AKAP13: variants seen among roughly 807,000 people sequenced by gnomAD.
AKAP13 encodes the protein A-kinase anchor protein 13.
Under a neutral mutation model 264.5 loss-of-function variants are expected in AKAP13, and 80 were observed. The observed-to-expected ratio is 0.30, with a 90% CI of 0.25 to 0.36. AKAP13 has a LOEUF of 0.36. Among genes scored for constraint, AKAP13 ranks in the 10% least tolerant of loss-of-function variants. The probability of loss-of-function intolerance (pLI) is 1.00; values close to 1 mark genes in which losing one functional copy is unlikely to be tolerated. For synonymous variants in AKAP13, 1,380 were observed against 1,250.2 expected, an observed-to-expected ratio of 1.10 and a Z score of -2.19; for missense variants, 3,712 against 3,435.2, an observed-to-expected ratio of 1.08 and a Z score of -2.01.
intron 1 of AKAP13, among the ~76,000 whole-genome samples, chr15:85,418,781 A>C (rs2072366504): frequency 6.6e-6 from 1 of 152,232 alleles, no homozygotes; most frequent in Admixed American, 6.5e-5. Flanking sequence ...TTAAAAGGCA[A>C]ATAATTGCAT....
intron 9 of AKAP13, among the ~76,000 whole-genome samples, chr15:85,645,359 T>G (rs1469531938): frequency 6.6e-6 from 1 of 152,206 alleles, no homozygotes; most frequent in East Asian, 1.9e-4. Flanking sequence ...GTAAGAAAAG[T>G]TAAATTATAT....
intron 1 of AKAP13, among the ~76,000 whole-genome samples, chr15:85,432,107 T>A (rs2073048590): frequency 1.3e-5 from 2 of 152,108 alleles, no homozygotes; most frequent in South Asian, 4.1e-4. Context: ...TCTTTTTTTT[T>A]AGAAGAATAC....
chr15:85,678,161 A>G (rs2084359598), intron 14 of AKAP13, among the ~76,000 whole-genome samples: 2 of 152,210 alleles, frequency 1.3e-5, no homozygotes, highest in Non-Finnish European at 2.9e-5. Flanking sequence ...GATTTCTAGA[A>G]TATTCCAGGA....
chr15:85,396,335 A>G (rs1488176776), intron 1 of AKAP13, among the ~76,000 whole-genome samples: 4 of 152,188 alleles, frequency 2.6e-5, no homozygotes, highest in Admixed American at 2.6e-4. Context: ...CATCATTGGC[A>G]TATGGATGGT....
intron 9 of AKAP13, among the ~76,000 whole-genome samples, chr15:85,640,199 TG>T (rs2082248105): frequency 6.6e-6 from 1 of 152,246 alleles, no homozygotes; most frequent in Non-Finnish European, 1.5e-5. Flanking sequence ...TGTCTCATTT[TG>T]AGGGTGTAGT....
chr15:85,658,393 C>T, intron 11 of AKAP13, 144 bp from the exon 12 acceptor site: 1 of 579,642 alleles, frequency 1.7e-6, no homozygotes, highest in Non-Finnish European at 2.9e-6. Context: ...ATGTTTTTCT[C>T]ATTCCACATT....
At chr15:85,381,930 G>A (rs1204088504) in intron 1 of AKAP13, 2 of 152,156 alleles carry the variant, frequency 1.3e-5, no homozygotes, top group Admixed American at 1.3e-4. Flanking sequence ...GTTCTTGAAA[G>A]GTCATTATTG....
Position 85,581,212 on chromosome 15 carries a change from A to G in AKAP13, c.3144A>G (p.Pro1048=), listed in dbSNP as rs376604055. ...CCGCTCTGTTGCCATGTCTGTTGCC[A>G]GATGGGTCTGATGGGTCCGATGCTC... The part of the protein sequence containing the change: ...NSSALLPCLL[P]DGSDGSDALN... The change falls in exon 7 of 37, where the codon CCA becomes CCG. Residue 1048 remains proline (P), a synonymous_variant. Coordinates refer to ENST00000394518, the MANE Select transcript of AKAP13 (RefSeq NM_007200.5). 18 of 1,614,194 alleles carry G rather than the reference A, an allele frequency of 1.1e-5. No homozygotes were observed. In the African/African-American group the frequency reaches 1.6e-4, roughly 14 times the overall value.
chr15:85,567,911 T>C (rs1446752587), intron 5 of AKAP13, among the ~76,000 whole-genome samples: 1 of 151,746 alleles, frequency 6.6e-6, no homozygotes, highest in Admixed American at 6.6e-5. Flanking sequence ...CTGAGAAAAG[T>C]ATATAAATAC....
intron 8 of AKAP13, among the ~76,000 whole-genome samples, chr15:85,637,687 AGTT>A (rs2151467659): frequency 6.6e-6 from 1 of 151,856 alleles, no homozygotes; most frequent in African/African-American, 2.4e-5. Context: ...CTCTTTTTCT[AGTT>A]TCATAAGGTA....
chr15:85,617,347 G>A (rs1282233601), intron 8 of AKAP13, among the ~76,000 whole-genome samples: 1 of 152,170 alleles, frequency 6.6e-6, no homozygotes, highest in South Asian at 2.1e-4. Context: ...AGGTTCAAAC[G>A]ATTCTCCTGC....
At chr15:85,725,342 C>A (rs538943052) in intron 26 of AKAP13, among the ~76,000 whole-genome samples, 52 of 149,698 alleles carry the variant, frequency 3.5e-4, no homozygotes, top group African/African-American at 1.3e-3. Context: ...ATATAAACTT[C>A]AAGATTCAAT....
intron 1 of AKAP13, among the ~76,000 whole-genome samples, chr15:85,443,692 G>T (rs1050625486): frequency 1.3e-5 from 2 of 151,930 alleles, no homozygotes; most frequent in South Asian, 2.1e-4. Context: ...TGGTTGACTG[G>T]AAAGTCATTT....
chr15:85,484,756 C>CAGTT (rs1484548154), intron 1 of AKAP13, among the ~76,000 whole-genome samples: 1 of 152,150 alleles, frequency 6.6e-6, no homozygotes, highest in Non-Finnish European at 1.5e-5. Flanking sequence ...TCAGTCCCAA[C>CAGTT]AGTTGGTCAT....
chr15:85,400,931 G>A (rs1274926655), intron 1 of AKAP13, among the ~76,000 whole-genome samples: 1 of 150,666 alleles, frequency 6.6e-6, no homozygotes, highest in Non-Finnish European at 1.5e-5. Flanking sequence ...GCACAATCTT[G>A]GCTTACTGCA....
chr15:85,611,695 C>T (rs1037330678), intron 8 of AKAP13, among the ~76,000 whole-genome samples: 2 of 152,212 alleles, frequency 1.3e-5, no homozygotes, highest in East Asian at 3.9e-4. Flanking sequence ...TTGCTAACAA[C>T]TCTTCGATTG....
intron 6 of AKAP13, among the ~76,000 whole-genome samples, chr15:85,578,209 G>A (rs2079077851): frequency 6.6e-6 from 1 of 152,176 alleles, no homozygotes; most frequent in South Asian, 2.1e-4. Context: ...CTTGAGCCCA[G>A]GAGTTCAAGG....
chr15:85,381,161 C>CG (rs2070221066), intron 1 of AKAP13, among the ~76,000 whole-genome samples: 1 of 152,088 alleles, frequency 6.6e-6, no homozygotes, highest in Admixed American at 6.5e-5. Flanking sequence ...ATCCTTGCCC[C>CG]GGGTCCCCGG....
At chr15:85,417,993 T>C (rs1273261277) in intron 1 of AKAP13, among the ~76,000 whole-genome samples, 1 of 151,566 alleles carries the variant, frequency 6.6e-6, no homozygotes, top group Non-Finnish European at 1.5e-5. Context: ...TTTGACGTAA[T>C]TATAAAATTG....
Sources: gnomAD v4.1 joint callset for allele counts (sites outside exome capture counted in the v4.1 genomes callset) on GRCh38, gnomAD v4.1.1 for gene constraint, MANE v1.5 for transcripts, NCBI Gene and HGNC (gene_info 2026-07-23, HGNC 2026-07-21) for gene names.